Variants in DPP10 observed in about 807,000 individuals in gnomAD.
The protein encoded by DPP10 is dipeptidyl peptidase like 10.
DPP10 carries 33 observed loss-of-function variants against 120.9 expected under a neutral mutation model. That is an observed-to-expected ratio of 0.27 (90% CI 0.21 to 0.37). The LOEUF (loss-of-function observed/expected upper bound fraction) is 0.37. Ranked by LOEUF, DPP10 falls within the 10% of genes least tolerant of loss-of-function variation. DPP10 has a pLI of 1.00. For synonymous variants in DPP10, 337 were observed against 326.1 expected (o/e 1.03, Z -0.36); for missense variants, 816 against 942.8 (o/e 0.87, Z 1.76).
chr2:115,572,845 A>C (rs1423328694), intron 5 of DPP10, among the ~76,000 whole-genome samples: 1 of 152,210 alleles, frequency 6.6e-6, no homozygotes, highest in African/African-American at 2.4e-5. Context: ...AGTAACTCTT[A>C]TGAGAAATAC....
chr2:114,908,151 A>G (rs1274792858), intron 1 of DPP10, among the ~76,000 whole-genome samples: 4 of 152,066 alleles, frequency 2.6e-5, no homozygotes, highest in African/African-American at 7.2e-5. Flanking sequence ...TGCTATTTGT[A>G]TTGTATGACT....
chr2:114,673,013 C>T (rs1025752510), intron 1 of DPP10, among the ~76,000 whole-genome samples: 4 of 152,136 alleles, frequency 2.6e-5, no homozygotes, highest in African/African-American at 9.7e-5. Context: ...ACCTGCTGTT[C>T]AGTGAATTCT....
At chr2:114,908,070 G>A (rs758157056) in intron 1 of DPP10, among the ~76,000 whole-genome samples, 1 of 151,694 alleles carries the variant, frequency 6.6e-6, no homozygotes, top group African/African-American at 2.4e-5. Flanking sequence ...TGTATCTCTG[G>A]TAATATTTAT....
chr2:115,656,133 AACAC>A (rs146572509), intron 5 of DPP10, among the ~76,000 whole-genome samples: 1,747 of 143,092 alleles, frequency 0.012, 15 homozygotes, highest in African/African-American at 0.028. Context: ...GTTCTTACCA[AACAC>A]ACACACACAC....
chr2:114,573,619 G>A (rs1460680949), intron 1 of DPP10, among the ~76,000 whole-genome samples: 1 of 152,162 alleles, frequency 6.6e-6, no homozygotes, highest in East Asian at 1.9e-4. Context: ...TCTCTTCAAA[G>A]GGAAATAGAT....
Position 114,744,352 on chromosome 2 carries a change from A to G in DPP10, c.60+301514A>G, listed in dbSNP as rs116886523. On this transcript the variant is annotated intron_variant, in intron 1 of 25. Coordinates refer to ENST00000410059, the MANE Select transcript of DPP10 (RefSeq NM_020868.6). ...CTATTGGAAGTGTGGGAAGTTAGAG[A>G]AGAAAAGGCCAATTTGGAAGCTATT... Among the ~76,000 whole-genome samples the G allele has an allele frequency of 1.6e-4, 25 of 152,322 alleles. No individual in the cohort carries two copies. In the East Asian group the frequency reaches 4.6e-3, roughly 28 times the overall value.
intron 1 of DPP10, among the ~76,000 whole-genome samples, chr2:114,461,322 C>G (rs886957905): frequency 2.0e-5 from 3 of 152,160 alleles, no homozygotes; most frequent in Admixed American, 6.5e-5. Context: ...GAGCAAAACA[C>G]TCTTAACAAT....
chr2:114,796,486 C>T (rs1357117804), intron 1 of DPP10, among the ~76,000 whole-genome samples: 1 of 151,636 alleles, frequency 6.6e-6, no homozygotes, highest in East Asian at 1.9e-4. Flanking sequence ...ATATATATAA[C>T]ATACAAAATA....
At chr2:114,662,415 G>C (rs1383521061) in intron 1 of DPP10, among the ~76,000 whole-genome samples, 1 of 152,206 alleles carries the variant, frequency 6.6e-6, no homozygotes, top group Non-Finnish European at 1.5e-5. Context: ...ACAGGCGATG[G>C]GCCTCGGAGG....
intron 3 of DPP10, among the ~76,000 whole-genome samples, chr2:115,454,037 T>C (rs1459648141): frequency 2.0e-5 from 3 of 151,502 alleles, no homozygotes; most frequent in Non-Finnish European, 3.0e-5. Flanking sequence ...TCAATGAGAA[T>C]TTGAGAGTAT....
intron 5 of DPP10, among the ~76,000 whole-genome samples, chr2:115,604,018 A>C (rs1187395091): frequency 6.6e-6 from 1 of 152,190 alleles, no homozygotes; most frequent in East Asian, 1.9e-4. Flanking sequence ...AACATACCTT[A>C]GGCTAAAGGA....
chr2:114,778,644 C>A lies in DPP10; in HGVS notation c.60+335806C>A, dbSNP rs1439908718. 3.9e-5 allele frequency among the ~76,000 whole-genome samples: 6 copies of A among 151,914 alleles called. No individual in the cohort carries two copies. The South Asian group carries it at 1.3e-3, about 32-fold the overall frequency. ...CCGGCAGATAAAATAGTAAAGAAAT[C>A]ATGGAAGCTTGCAAGGAAAGTACAT... is the stretch of plus-strand genomic sequence containing the variant. On this transcript the variant is annotated intron_variant, in intron 1 of 25. Coordinates refer to ENST00000410059, the MANE Select transcript of DPP10 (RefSeq NM_020868.6).
intron 19 of DPP10, 38 bp from the exon 20 acceptor site, chr2:115,814,755 G>A (rs766057384): frequency 1.1e-5 from 16 of 1,431,750 alleles, no homozygotes; most frequent in Non-Finnish European, 1.4e-5. Context: ...CAGATTTTCA[G>A]TTGCTCTTGT....
At chr2:114,934,868 A>T (rs1696341400) in intron 1 of DPP10, among the ~76,000 whole-genome samples, 1 of 152,138 alleles carries the variant, frequency 6.6e-6, no homozygotes, top group Non-Finnish European at 1.5e-5. Flanking sequence ...TATTGCAAAT[A>T]TCTTTTCTCT....
intron 7 of DPP10, among the ~76,000 whole-genome samples, chr2:115,692,588 C>T (rs1349388627): frequency 6.6e-6 from 1 of 152,036 alleles, no homozygotes; most frequent in African/African-American, 2.4e-5. Context: ...GGCCAACCCT[C>T]ATCCTATCCT....
At chr2:115,774,209 T>TACACAC (rs3069387) in intron 13 of DPP10, among the ~76,000 whole-genome samples, 3,990 of 147,598 alleles carry the variant, frequency 0.027, 74 homozygotes, top group South Asian at 0.057. Flanking sequence ...AAAACACACA[T>TACACAC]ACACACACAC....
intron 9 of DPP10, 141 bp downstream of exon 9, chr2:115,740,034 T>A: frequency 1.1e-6 from 1 of 871,978 alleles, no homozygotes; most frequent in South Asian, 1.6e-5. Flanking sequence ...TCACTTTCGA[T>A]CTCCCAGTAG....
chr2:114,792,096 G>A (rs946108890), intron 1 of DPP10, among the ~76,000 whole-genome samples: 5 of 151,996 alleles, frequency 3.3e-5, no homozygotes, highest in African/African-American at 7.2e-5. Flanking sequence ...CCTGTATTGC[G>A]AATTGAGATT....
chr2:114,442,693 C>G lies in DPP10; in HGVS notation c.-86C>G, dbSNP rs982019279. 6 of 1,466,784 alleles carry G rather than the reference C, an allele frequency of 4.1e-6. No homozygotes were observed. The highest frequency in any genetic ancestry group is 5.7e-6 in the Non-Finnish European group (6 of 1,056,550). 90.9% of individuals were successfully genotyped at this position (1,466,784 alleles called of 1,614,324 possible). On this transcript the variant is annotated 5_prime_UTR_variant, in exon 1 of 26. Transcript: ENST00000410059. Reference sequence around the variant, plus strand: ...AGCGGCAGCAGCAACAGCAGCAGCCCCTACTGAAGTCCAATAGAGGAGACT... The same window carrying G: ...AGCGGCAGCAGCAACAGCAGCAGCCGCTACTGAAGTCCAATAGAGGAGACT...
Sources: gnomAD v4.1 joint callset for allele counts (sites outside exome capture counted in the v4.1 genomes callset) on GRCh38, gnomAD v4.1.1 for gene constraint, MANE v1.5 for transcripts, NCBI Gene and HGNC (gene_info 2026-07-23, HGNC 2026-07-21) for gene names.